The following LRP1B variants were observed in gnomAD, a reference collection of about 807,000 sequenced individuals.
LRP1B encodes low-density lipoprotein receptor-related protein 1B.
A neutral mutation model predicts 556.6 loss-of-function variants in LRP1B; 217 were observed. The observed-to-expected ratio is 0.39, with a 90% CI of 0.35 to 0.44. The LOEUF is 0.44. Among genes scored for constraint, LRP1B ranks in the 20% least tolerant of loss-of-function variants. The probability of loss-of-function intolerance (pLI) is 1.00; values close to 1 mark genes in which losing one functional copy is unlikely to be tolerated. For synonymous variants in LRP1B, 2,047 were observed against 1,865.8 expected, an observed-to-expected ratio of 1.10 and a Z score of -2.50; for missense variants, 5,053 against 5,620.8, an observed-to-expected ratio of 0.90 and a Z score of 3.23.
At chr2:140,720,257 A>G (rs1031809515) in intron 35 of LRP1B, among the ~76,000 whole-genome samples, 4 of 152,056 alleles carry the variant, frequency 2.6e-5, no homozygotes, top group African/African-American at 9.7e-5. Flanking sequence ...TACATTCTAG[A>G]GTAAAATTAA....
chr2:141,415,276 G>GC (rs1184440493), intron 3 of LRP1B, among the ~76,000 whole-genome samples: 1 of 152,030 alleles, frequency 6.6e-6, no homozygotes, highest in Non-Finnish European at 1.5e-5. Context: ...GCCTCCCAAA[G>GC]TGCTGGGATT....
chr2:140,555,510 C>T (rs575288899), intron 43 of LRP1B, among the ~76,000 whole-genome samples: 7 of 152,114 alleles, frequency 4.6e-5, no homozygotes, highest in Admixed American at 2.0e-4. Flanking sequence ...AAATAATATA[C>T]ATAAAACACT....
At chr2:141,522,680 A>T (rs6743480) in intron 2 of LRP1B, among the ~76,000 whole-genome samples, 51,913 of 151,950 alleles carry the variant, frequency 0.34, 9,731 homozygotes, top group Non-Finnish European at 0.42. Flanking sequence ...TTGGAAACAT[A>T]AAATATGTCA....
At chr2:140,479,641 A>AT (rs1279393178) in intron 59 of LRP1B, among the ~76,000 whole-genome samples, 3 of 151,870 alleles carry the variant, frequency 2.0e-5, no homozygotes, top group East Asian at 1.9e-4. Context: ...ATTTGAAGAA[A>AT]TTTTTTCCTT....
chr2:141,224,192 T>C (rs553617718), intron 6 of LRP1B, among the ~76,000 whole-genome samples: 5 of 151,932 alleles, frequency 3.3e-5, no homozygotes, highest in African/African-American at 9.7e-5. Flanking sequence ...GCAAAGGACA[T>C]GAACAAACAC....
chr2:141,337,244 AT>A (rs1423332217), intron 3 of LRP1B, among the ~76,000 whole-genome samples: 1 of 152,116 alleles, frequency 6.6e-6, no homozygotes, highest in African/African-American at 2.4e-5. Flanking sequence ...AGCCTAATTG[AT>A]TTATAGTGGT....
chr2:141,178,027 T>C (rs958505550), intron 7 of LRP1B, among the ~76,000 whole-genome samples: 5 of 152,144 alleles, frequency 3.3e-5, no homozygotes, highest in African/African-American at 1.2e-4. Flanking sequence ...AATATGGTTA[T>C]TGGTATGTAG....
At chr2:141,071,234 A>G (rs1321421408) in intron 7 of LRP1B, among the ~76,000 whole-genome samples, 1 of 150,208 alleles carries the variant, frequency 6.7e-6, no homozygotes, top group Non-Finnish European at 1.5e-5. Flanking sequence ...CCAGCATATA[A>G]ACAGAACCAA....
intron 2 of LRP1B, among the ~76,000 whole-genome samples, chr2:141,735,524 A>G (rs1198283690): frequency 1.4e-3 from 154 of 110,124 alleles, no homozygotes; most frequent in South Asian, 2.1e-3. Context: ...GGGAGGGGGG[A>G]GGGATAGGCT....
intron 6 of LRP1B, among the ~76,000 whole-genome samples, chr2:141,199,191 G>T (rs929045822): frequency 6.6e-6 from 1 of 152,046 alleles, no homozygotes; most frequent in African/African-American, 2.4e-5. Flanking sequence ...TTACTGTCCC[G>T]CACAAATGCT....
At chr2:141,760,320 T>C (rs1311607400) in intron 2 of LRP1B, among the ~76,000 whole-genome samples, 1 of 152,182 alleles carries the variant, frequency 6.6e-6, no homozygotes, top group Non-Finnish European at 1.5e-5. Flanking sequence ...AAGTCATTGT[T>C]AAGTAAAAAA....
intron 25 of LRP1B, among the ~76,000 whole-genome samples, chr2:140,874,308 G>A (rs1474016872): frequency 1.3e-5 from 2 of 152,010 alleles, no homozygotes; most frequent in African/African-American, 2.4e-5. Flanking sequence ...AAGTTCAAAT[G>A]TATTGCATCT....
intron 32 of LRP1B, among the ~76,000 whole-genome samples, chr2:140,810,285 C>T (rs939580231): frequency 6.6e-6 from 1 of 152,086 alleles, no homozygotes; most frequent in South Asian, 2.1e-4. Context: ...TCATTCAGCA[C>T]CTATGTAGCC....
rs78012478 is a variant in LRP1B, at chr2:141,815,056, T to A, written c.83-4655A>T. ...TACAGTGAGTTCTAAAAATCTGGAG[T>A]AGACTCATAGGCTGAGGGAAACATA... is the stretch of plus-strand genomic sequence containing the variant. On this transcript the variant is annotated intron_variant, in intron 1 of 90. Transcript: ENST00000389484. 4.7e-4 allele frequency among the ~76,000 whole-genome samples: 72 copies of A among 152,014 alleles called. No individual in the cohort carries two copies. The East Asian group carries it at 0.011, about 24-fold the overall frequency.
intron 2 of LRP1B, among the ~76,000 whole-genome samples, chr2:141,601,231 T>TATCTATC (rs1446485530): frequency 4.6e-5 from 7 of 152,000 alleles, no homozygotes; most frequent in Non-Finnish European, 8.8e-5. Flanking sequence ...TCTATCTATC[T>TATCTATC]ATCTATCTAT....
At chr2:141,744,409 G>T (rs1693836732) in intron 2 of LRP1B, among the ~76,000 whole-genome samples, 1 of 151,984 alleles carries the variant, frequency 6.6e-6, no homozygotes, top group Admixed American at 6.6e-5. Flanking sequence ...CTAACATATG[G>T]TCTATTCTTG....
At chr2:141,933,091 T>C (rs1700546952) in intron 1 of LRP1B, among the ~76,000 whole-genome samples, 2 of 152,004 alleles carry the variant, frequency 1.3e-5, no homozygotes, top group African/African-American at 4.8e-5. Flanking sequence ...TAGGAATATA[T>C]TTAATCAATA....
At chr2:141,032,763 T>C (rs963343630) in intron 11 of LRP1B, among the ~76,000 whole-genome samples, 18 of 145,634 alleles carry the variant, frequency 1.2e-4, no homozygotes, top group African/African-American at 4.5e-4. Flanking sequence ...AATGCCTTTT[T>C]CATAGAAATG....
chr2:140,582,096 C>T (rs957075845), intron 43 of LRP1B, among the ~76,000 whole-genome samples: 2 of 152,090 alleles, frequency 1.3e-5, no homozygotes, highest in African/African-American at 4.8e-5. Context: ...TATATCTATA[C>T]CTGGTTTAGG....
Sources: gnomAD v4.1 joint callset for allele counts (sites outside exome capture counted in the v4.1 genomes callset) on GRCh38, gnomAD v4.1.1 for gene constraint, MANE v1.5 for transcripts, NCBI Gene and HGNC (gene_info 2026-07-23, HGNC 2026-07-21) for gene names.